Variants in STARD13 observed in about 807,000 individuals in gnomAD.
The protein encoded by STARD13 is stAR-related lipid transfer protein 13.
In STARD13, 62 loss-of-function variants were observed where a neutral mutation model predicts 106.4. That is an observed-to-expected ratio of 0.58 (90% confidence interval 0.48 to 0.72). STARD13 has a LOEUF of 0.72. Ranked by LOEUF, STARD13 falls within the 30% of genes least tolerant of loss-of-function variation. STARD13 has a pLI of 0.00. For synonymous variants in STARD13, 565 were observed against 553.0 expected (o/e 1.02, Z -0.31); for missense variants, 1,387 against 1,424.0 (o/e 0.97, Z 0.42).
chr13:33,457,253 T>C, the STARD13 span, among the ~76,000 whole-genome samples: 1 of 152,220 alleles, frequency 6.6e-6, no homozygotes, highest in African/African-American at 2.4e-5. Context: ...AATGGAACTT[T>C]TGTGAAATAA....
chr13:33,183,784 G>C (rs1234896307), intron 1 of STARD13, among the ~76,000 whole-genome samples: 2 of 152,114 alleles, frequency 1.3e-5, no homozygotes, highest in African/African-American at 2.4e-5. Flanking sequence ...GCCTGGTCCA[G>C]TCAGGACCAC....
the STARD13 span, among the ~76,000 whole-genome samples, chr13:33,508,673 A>G: frequency 1.3e-5 from 2 of 152,228 alleles, no homozygotes; most frequent in Non-Finnish European, 2.9e-5. Flanking sequence ...ATTCCTGGGA[A>G]AAAGGCAAAT....
intron 1 of STARD13, among the ~76,000 whole-genome samples, chr13:33,173,969 A>C (rs2097955543): frequency 6.6e-6 from 1 of 152,102 alleles, no homozygotes; most frequent in African/African-American, 2.4e-5. Flanking sequence ...GAGACATAAA[A>C]TTCCTTCACC....
chr13:33,362,467 G>A, the STARD13 span, among the ~76,000 whole-genome samples: 2 of 152,152 alleles, frequency 1.3e-5, no homozygotes, highest in Non-Finnish European at 2.9e-5. Context: ...AGGGAAAAAC[G>A]ACAAGTTCAA....
At chr13:33,602,676 C>T in the STARD13 span, among the ~76,000 whole-genome samples, 1 of 152,172 alleles carries the variant, frequency 6.6e-6, no homozygotes, top group Non-Finnish European at 1.5e-5. Flanking sequence ...AGGAACTAGG[C>T]GGCACAGCAG....
chr13:33,217,720 A>C (rs1888124342), intron 1 of STARD13, among the ~76,000 whole-genome samples: 1 of 152,204 alleles, frequency 6.6e-6, no homozygotes, highest in Admixed American at 6.5e-5. Context: ...GAATGCACCA[A>C]GCCAGAAATA....
chr13:33,597,810 C>T, the STARD13 span, among the ~76,000 whole-genome samples: 38 of 151,508 alleles, frequency 2.5e-4, no homozygotes, highest in Admixed American at 2.3e-3. Context: ...GCTGAGATCG[C>T]GCCACTGCAC....
chr13:33,361,791 G>A, the STARD13 span, among the ~76,000 whole-genome samples: 1 of 152,042 alleles, frequency 6.6e-6, no homozygotes, highest in African/African-American at 2.4e-5. Context: ...AACAGCAAGG[G>A]GGAAATCCAC....
chr13:33,543,245 C>T, the STARD13 span, among the ~76,000 whole-genome samples: 10 of 151,998 alleles, frequency 6.6e-5, no homozygotes, highest in African/African-American at 2.4e-4. Flanking sequence ...GCTGTAAAAG[C>T]TTTTGTTTCC....
In STARD13 at chr13:33,105,278, G is replaced by C; in HGVS notation, c.*315C>G. The C allele has an allele frequency of 3.5e-6, 1 of 288,562 alleles. No individual in the cohort carries two copies. The highest frequency in any genetic ancestry group is 6.6e-5 in the South Asian group (1 of 15,048). 17.9% of individuals were successfully genotyped at this position (288,562 alleles called of 1,614,324 possible). ...CTATACATACATTTATTTACAGTTA[G>C]GTATACGCTTCTTAGAAGCCTTTAA... On this transcript the variant is annotated 3_prime_UTR_variant, in exon 14 of 14. Transcript: ENST00000336934.
intron 1 of STARD13, among the ~76,000 whole-genome samples, chr13:33,335,831 T>A (rs759523867): frequency 6.6e-6 from 1 of 152,236 alleles, no homozygotes; most frequent in Non-Finnish European, 1.5e-5. Flanking sequence ...AGCAAGGTGC[T>A]GTTTGTGTTA....
the STARD13 span, among the ~76,000 whole-genome samples, chr13:33,605,755 C>T: frequency 2.5e-3 from 378 of 152,250 alleles, 1 homozygote; most frequent in Non-Finnish European, 3.1e-3. Context: ...TGTTGTTTTA[C>T]CAGTCCTAAT....
intron 1 of STARD13, among the ~76,000 whole-genome samples, chr13:33,314,183 G>A (rs975073471): frequency 3.9e-5 from 6 of 152,108 alleles, no homozygotes; most frequent in Non-Finnish European, 8.8e-5. Context: ...AATGAGATAA[G>A]AGCAAATCTA....
At chr13:33,316,361 T>C (rs1893337584) in intron 1 of STARD13, among the ~76,000 whole-genome samples, 1 of 152,230 alleles carries the variant, frequency 6.6e-6, no homozygotes, top group Non-Finnish European at 1.5e-5. Flanking sequence ...GCCTATGGAT[T>C]CATCTATAAT....
the STARD13 span, among the ~76,000 whole-genome samples, chr13:33,482,517 A>G: frequency 1.3e-5 from 2 of 152,196 alleles, no homozygotes; most frequent in African/African-American, 4.8e-5. Context: ...TAGATTTTTA[A>G]TCTTTAAAAT....
intron 1 of STARD13, among the ~76,000 whole-genome samples, chr13:33,254,489 A>G (rs1317974089): frequency 2.6e-5 from 4 of 152,224 alleles, no homozygotes; most frequent in Non-Finnish European, 4.4e-5. Flanking sequence ...GGAGGCAGGG[A>G]AATATTGGAT....
intron 1 of STARD13, among the ~76,000 whole-genome samples, chr13:33,238,983 T>A (rs954626724): frequency 6.6e-6 from 1 of 152,114 alleles, no homozygotes; most frequent in Non-Finnish European, 1.5e-5. Context: ...ATCTTTTTCA[T>A]CTTGCAAAAC....
At chr13:33,434,699 T>G in the STARD13 span, among the ~76,000 whole-genome samples, 1 of 152,198 alleles carries the variant, frequency 6.6e-6, no homozygotes, top group African/African-American at 2.4e-5. Context: ...GAGATCTTCC[T>G]GCTGCATATA....
At chr13:33,288,914 T>C (rs1428484265), upstream of STARD13, among the ~76,000 whole-genome samples, 1 of 152,260 alleles carries the variant, frequency 6.6e-6, no homozygotes, top group Non-Finnish European at 1.5e-5. Flanking sequence ...GCCATTGCTA[T>C]GAAACTTGTA....
Sources: gnomAD v4.1 joint callset for allele counts (sites outside exome capture counted in the v4.1 genomes callset) on GRCh38, gnomAD v4.1.1 for gene constraint, MANE v1.5 for transcripts, NCBI Gene and HGNC (gene_info 2026-07-23, HGNC 2026-07-21) for gene names.